Variants in SASS6 observed in about 807,000 individuals in gnomAD.
SASS6 encodes the protein spindle assembly abnormal protein 6 homolog.
Under a neutral mutation model 94.9 loss-of-function variants are expected in SASS6, and 59 were observed. The observed-to-expected ratio is 0.62, with a 90% CI of 0.50 to 0.77. The LOEUF is 0.77. Among genes scored for constraint, SASS6 ranks in the 30% least tolerant of loss-of-function variants. SASS6 has a pLI of 0.00. For missense variants in SASS6, 698 were observed against 734.1 expected (o/e 0.95, Z 0.57); for synonymous variants, 264 against 270.0 (o/e 0.98, Z 0.22).
intron 1 of SASS6, among the ~76,000 whole-genome samples, chr1:100,131,940 G>A (rs1173937680): frequency 2.6e-5 from 4 of 151,952 alleles, no homozygotes; most frequent in Non-Finnish European, 4.4e-5. Context: ...AGGAAAGAAC[G>A]TTCAGAGAAA....
chr1:100,100,573 GCA>G (rs1359321469), intron 14 of SASS6, among the ~76,000 whole-genome samples: 1 of 152,184 alleles, frequency 6.6e-6, no homozygotes. Context: ...TGTCAGAACA[GCA>G]CAATCTTGTT....
At chr1:100,128,690 T>A (rs1654798742) in intron 1 of SASS6, among the ~76,000 whole-genome samples, 1 of 152,168 alleles carries the variant, frequency 6.6e-6, no homozygotes, top group South Asian at 2.1e-4. Flanking sequence ...TATAAAACAA[T>A]AAAAACTCAA....
chr1:100,117,529 T>C (rs530141300), intron 7 of SASS6, among the ~76,000 whole-genome samples: 1 of 152,138 alleles, frequency 6.6e-6, no homozygotes, highest in South Asian at 2.1e-4. Flanking sequence ...GGCATGCGCC[T>C]GTAATCCCAA....
At chr1:100,096,881 C>T (rs191929849) in intron 14 of SASS6, among the ~76,000 whole-genome samples, 67 of 152,058 alleles carry the variant, frequency 4.4e-4, no homozygotes, top group African/African-American at 1.4e-3. Context: ...TTTGAGAGGC[C>T]GAGGTAGGGG....
chr1:100,107,204 A>T (rs904838405), intron 11 of SASS6, among the ~76,000 whole-genome samples, 170 bp downstream of exon 11: 3 of 152,106 alleles, frequency 2.0e-5, no homozygotes, highest in African/African-American at 7.2e-5. Context: ...CTGAATCATG[A>T]TAACTAACTT....
intron 14 of SASS6, 47 bp from the exon 15 acceptor site, chr1:100,088,283 G>A (rs1651447918): frequency 3.2e-6 from 3 of 936,364 alleles, no homozygotes; most frequent in Non-Finnish European, 3.5e-6. Context: ...TATAGAAGTA[G>A]ACAGTTTTGG....
At chr1:100,097,562 C>T (rs1335081897) in intron 14 of SASS6, among the ~76,000 whole-genome samples, 3 of 152,258 alleles carry the variant, frequency 2.0e-5, no homozygotes, top group Admixed American at 6.5e-5. Flanking sequence ...TGGTGGCTCA[C>T]GCCTGTAATT....
chr1:100,085,652 A>C, intron 15 of SASS6, 22 bp from the exon 16 acceptor site: 3 of 1,403,874 alleles, frequency 2.1e-6, no homozygotes, highest in Non-Finnish European at 3.0e-6. Flanking sequence ...AATGGTAATA[A>C]CTTATTTAAC....
chr1:100,115,781 C>T (rs534040775), intron 7 of SASS6, among the ~76,000 whole-genome samples: 36 of 152,228 alleles, frequency 2.4e-4, no homozygotes, highest in African/African-American at 8.7e-4. Context: ...GATCGTGTCA[C>T]TGCACTCCAG....
chr1:100,124,837 G>A (rs928315351), intron 2 of SASS6, among the ~76,000 whole-genome samples: 4 of 152,162 alleles, frequency 2.6e-5, no homozygotes, highest in African/African-American at 9.7e-5. Flanking sequence ...TTCTCATAAG[G>A]AGCATACAGC....
intron 2 of SASS6, among the ~76,000 whole-genome samples, chr1:100,123,626 G>C (rs987825099): frequency 1.3e-5 from 2 of 152,186 alleles, no homozygotes; most frequent in African/African-American, 4.8e-5. Context: ...CTTTACCACT[G>C]AACATACCAC....
rs1557876372 is a variant in SASS6, at chr1:100,085,395, G to T, written c.1907C>A (p.Ser636Tyr). ...RDGTLGALHT[S>Y]SKPTALPSAS... is the part of the protein sequence containing the mutation. ...AGAGGGGAGCGCTGTGGGTTTGGAA[G>T]ATGTATGTAATGCTCCTAAAGTGCC... The change falls in exon 17 of 17, where the codon TCT (serine) becomes TAT (tyrosine). Residue 636 changes from serine to tyrosine, a missense_variant. Transcript: ENST00000287482. The T allele has an allele frequency of 6.2e-7, 1 of 1,613,710 alleles. No homozygotes were observed. The highest frequency in any genetic ancestry group is 8.5e-7 in the Non-Finnish European group (1 of 1,179,634).
Position 100,132,883 on chromosome 1 carries a change from G to T in SASS6, c.-69C>A. The stretch of plus-strand genomic sequence containing the variant: ...CCCGGCCCTCGGGATTAGCCTGAGA[G>T]GTCCGGGTCCTGATAAAGTTTGAGT... On this transcript the variant is annotated 5_prime_UTR_variant, in exon 1 of 17. Coordinates refer to ENST00000287482, the MANE Select transcript of SASS6 (RefSeq NM_194292.3). 7.1e-7 allele frequency: 1 copy of T among 1,405,398 alleles called. No individual in the cohort carries two copies. The highest frequency in any genetic ancestry group is 1.0e-6 in the Non-Finnish European group (1 of 1,000,790). 87.1% of individuals were successfully genotyped at this position (1,405,398 alleles called of 1,614,324 possible). A position where few individuals can be genotyped will look rare whatever the true frequency, so the allele number is the denominator to read the frequency against.
intron 7 of SASS6, among the ~76,000 whole-genome samples, chr1:100,113,507 G>T (rs1206773300): frequency 6.6e-6 from 1 of 151,946 alleles, no homozygotes; most frequent in Non-Finnish European, 1.5e-5. Context: ...TGTAGTCCCA[G>T]CTACTCAGGA....
chr1:100,096,686 A>C (rs2392134), intron 14 of SASS6, among the ~76,000 whole-genome samples: 5,026 of 152,340 alleles, frequency 0.033, 305 homozygotes, highest in African/African-American at 0.11. Context: ...AATTCAATAA[A>C]AAGACAACCT....
chr1:100,131,258 A>T (rs58417395), intron 1 of SASS6, among the ~76,000 whole-genome samples: 7 of 114,404 alleles, frequency 6.1e-5, no homozygotes, highest in Admixed American at 4.8e-4. Flanking sequence ...TGGCACAAAT[A>T]GTAGCTCACT....
chr1:100,132,126 T>C (rs1441182579), intron 1 of SASS6, among the ~76,000 whole-genome samples: 1 of 152,230 alleles, frequency 6.6e-6, no homozygotes, highest in Non-Finnish European at 1.5e-5. Flanking sequence ...AAGGACTGTT[T>C]TTCCTGACCA....
At chr1:100,105,652 A>G in intron 13 of SASS6, 115 bp downstream of exon 13, 1 of 924,392 alleles carries the variant, frequency 1.1e-6, no homozygotes, top group South Asian at 1.5e-5. Flanking sequence ...CAATTGTAGG[A>G]CTCCACTTTG....
At position 100,085,371 on chromosome 1, in the gene SASS6, G is replaced by C. The variant is rs773227677; in HGVS notation, c.1931C>G (p.Ser644Cys). 2 of 1,613,650 alleles carry C rather than the reference G, an allele frequency of 1.2e-6. No individual in the cohort carries two copies. The highest frequency in any genetic ancestry group is 1.7e-6 in the Non-Finnish European group (2 of 1,179,554). ...CCCAGGGAAATAGGCTGAAGACGCAGAGGGGAGCGCTGTGGGTTTGGAAGA... is the reference window on the plus strand; with the variant it reads ...CCCAGGGAAATAGGCTGAAGACGCACAGGGGAGCGCTGTGGGTTTGGAAGA... ...HTSSKPTALPSASSAYFPGQL... is the reference protein window; with the variant it reads ...HTSSKPTALPCASSAYFPGQL... Residue 644 changes from serine (S) to cysteine (C), a missense_variant, in exon 17 of 17, where the codon TCT (serine) becomes TGT (cysteine). By Grantham distance (112) the Ser-to-Cys change is moderately radical. Coordinates refer to ENST00000287482, the MANE Select transcript of SASS6 (RefSeq NM_194292.3).
Sources: allele counts gnomAD v4.1 joint callset (sites outside exome capture counted in the v4.1 genomes callset), GRCh38; gene constraint gnomAD v4.1.1; transcripts MANE v1.5; gene names NCBI Gene and HGNC (gene_info 2026-07-23, HGNC 2026-07-21).